The following TXNDC11 variants were observed in gnomAD, a reference collection of about 807,000 sequenced individuals.
TXNDC11 encodes the protein thioredoxin domain containing 11.
A neutral mutation model predicts 78.0 loss-of-function variants in TXNDC11; 68 were observed. That is an observed-to-expected ratio of 0.87 (90% CI 0.72 to 1.07). The LOEUF (loss-of-function observed/expected upper bound fraction) is 1.07, where lower values mean the gene tolerates loss of function less well. Ranked by LOEUF, TXNDC11 falls within the 50% of genes least tolerant of loss-of-function variation. The pLI, the probability that TXNDC11 is intolerant of heterozygous loss-of-function variation, is 0.00. For missense variants in TXNDC11, 1,389 were observed against 1,221.8 expected, an observed-to-expected ratio of 1.14 and a Z score of -2.04; for synonymous variants, 571 against 495.2, an observed-to-expected ratio of 1.15 and a Z score of -2.03.
At chr16:11,735,933 T>C (rs1490291996) in intron 2 of TXNDC11, 84 bp downstream of exon 2, 1 of 1,363,114 alleles carries the variant, frequency 7.3e-7, no homozygotes, top group African/African-American at 1.4e-5. Flanking sequence ...GTCTGCCCGT[T>C]GGGCAAGGTG....
At chr16:11,714,257 C>T (rs543530653) in intron 5 of TXNDC11, among the ~76,000 whole-genome samples, 73 of 152,252 alleles carry the variant, frequency 4.8e-4, no homozygotes, top group African/African-American at 1.7e-3. Flanking sequence ...CTCCTGAGCT[C>T]AAGAGATCCA....
In TXNDC11 at chr16:11,734,039, T is replaced by G. The variant is rs1017040573; in HGVS notation, c.512A>C (p.Lys171Thr). 18 of 1,603,760 alleles carry G rather than the reference T, an allele frequency of 1.1e-5. No homozygotes were observed. The Middle Eastern group carries it at 1.6e-3, about 147-fold the overall frequency. ...VAINCWWNQG[K>T]CRKQKHFFYF... ...AAAGAAGTGTTTCTGTTTTCTGCATTTCCCCTGGTTCCACCAACAGTTAAT... is the reference window on the plus strand; with the variant it reads ...AAAGAAGTGTTTCTGTTTTCTGCATGTCCCCTGGTTCCACCAACAGTTAAT... The change falls in exon 3 of 12, where the codon AAA becomes ACA. Residue 171 changes from lysine to threonine, a missense_variant. Lys to Thr is a moderately conservative substitution (Grantham distance 78). Coordinates refer to ENST00000283033, the MANE Select transcript of TXNDC11 (RefSeq NM_015914.7).
rs779006508 is a variant in TXNDC11, at chr16:11,692,004, C to T, written c.1186G>A (p.Val396Met). The T allele has an allele frequency of 2.5e-5, 40 of 1,574,868 alleles. 1 individual carries two copies. In the African/African-American group the frequency reaches 3.2e-4, roughly 13 times the overall value. The change falls in exon 8 of 12, where the codon GTG becomes ATG. Residue 396 changes from valine (V) to methionine (M), a missense_variant. Transcript: ENST00000283033. ...AGGGACTCCAGCACTGGAGCATCCA[C>T]CCGCCGCAGGTGCTGAAGGAGACGC... ...VERLLQHLRR[V>M]DAPVLESLAL...
chr16:11,681,669 T>A (rs1490164959), intron 11 of TXNDC11, among the ~76,000 whole-genome samples: 1 of 151,754 alleles, frequency 6.6e-6, no homozygotes, highest in African/African-American at 2.4e-5. Context: ...AGCACCCATC[T>A]CCCCCTCATC....
At chr16:11,718,730 T>G (rs957091576) in intron 5 of TXNDC11, among the ~76,000 whole-genome samples, 1 of 152,268 alleles carries the variant, frequency 6.6e-6, no homozygotes, top group East Asian at 1.9e-4. Flanking sequence ...ATTAATTAAT[T>G]AATTAATCTC....
In TXNDC11 at chr16:11,679,922, T is replaced by C. The variant is rs557970211; in HGVS notation, c.2235-85A>G. The C allele has an allele frequency of 3.1e-5, 37 of 1,181,974 alleles. No individual in the cohort carries two copies. In the Admixed American group the frequency reaches 3.5e-4, roughly 11 times the overall value. The allele number at this position is 1,181,974 out of a possible 1,614,324, so 73.2% of individuals were successfully genotyped here. On this transcript the variant is annotated intron_variant, in intron 11 of 11. Transcript: ENST00000283033. The surrounding 1 kb of genome is among the most constrained non-coding windows in gnomAD (Gnocchi z 4.6). The stretch of plus-strand genomic sequence containing the variant: ...GCAGGCTGTACCTGAGGCCAGGCCA[T>C]CTACTTCTCACCAAGAAAAGACGTT...
intron 5 of TXNDC11, 144 bp from the exon 6 acceptor site, chr16:11,700,708 T>A: frequency 1.7e-6 from 1 of 577,456 alleles, no homozygotes; most frequent in Non-Finnish European, 3.1e-6. Flanking sequence ...GAAGAGGCGC[T>A]GAGGAACCTC....
At chr16:11,710,238 T>C (rs1485339468) in intron 5 of TXNDC11, among the ~76,000 whole-genome samples, 1 of 151,774 alleles carries the variant, frequency 6.6e-6, no homozygotes, top group Non-Finnish European at 1.5e-5. Flanking sequence ...AAGGAAGGAC[T>C]CTGCAAACTA....
At chr16:11,730,297 T>C (rs2052008868) in intron 4 of TXNDC11, among the ~76,000 whole-genome samples, 1 of 152,176 alleles carries the variant, frequency 6.6e-6, no homozygotes, top group Non-Finnish European at 1.5e-5. Context: ...CATAGTACAA[T>C]GCTATGAGAA....
At chr16:11,690,743 G>A (rs1207083757) in intron 8 of TXNDC11, 1 of 150,870 alleles carries the variant, frequency 6.6e-6, no homozygotes, top group Admixed American at 6.6e-5. Context: ...TGTATTTTTA[G>A]TAGAGACGGG....
chr16:11,713,824 T>G (rs1389803583), intron 5 of TXNDC11, among the ~76,000 whole-genome samples: 1 of 151,978 alleles, frequency 6.6e-6, no homozygotes, highest in Admixed American at 6.6e-5. Flanking sequence ...TGAGTGAGTA[T>G]AGTGACAACA....
At position 11,688,429 on chromosome 16, in the gene TXNDC11, G is replaced by A; in HGVS notation, c.1917C>T (p.Asn639=). Residue 639 remains asparagine, a synonymous_variant, in exon 9 of 12, where the codon AAC becomes AAT. Transcript: ENST00000283033. ...MKLTLESFIQ[N]FSVLYSPLKR... ...TCAAGGGACTATAGAGAACGCTGAAGTTTTGAATAAAAGACTCTAAAAATA... is the reference window on the plus strand; with the variant it reads ...TCAAGGGACTATAGAGAACGCTGAAATTTTGAATAAAAGACTCTAAAAATA... The A allele has an allele frequency of 3.1e-6, 5 of 1,609,996 alleles. No individual in the cohort carries two copies. The highest frequency in any genetic ancestry group is 4.2e-6 in the Non-Finnish European group (5 of 1,178,042).
chr16:11,691,761 G>C lies in TXNDC11; in HGVS notation c.1429C>G (p.Leu477Val). ...EMAAALDSFY[L>V]KEQTFYHVAS... ...ACATGATAAAAGGTCTGCTCCTTGA[G>C]GTAGAAAGAATCCAGAGCTGCTGCC... Residue 477 changes from leucine (L) to valine (V), a missense_variant, in exon 8 of 12, where the codon CTC becomes GTC. By Grantham distance (32) the Leu-to-Val change is conservative. Transcript: ENST00000283033. 1 of 1,614,242 alleles carries C rather than the reference G, an allele frequency of 6.2e-7. No homozygotes were observed. The highest frequency in any genetic ancestry group is 8.5e-7 in the Non-Finnish European group (1 of 1,180,048).
intron 10 of TXNDC11, among the ~76,000 whole-genome samples, chr16:11,687,071 C>A (rs551056595): frequency 1.1e-4 from 17 of 152,178 alleles, no homozygotes; most frequent in Non-Finnish European, 2.1e-4. Flanking sequence ...CACAGAGACA[C>A]TGGAAAATAT....
intron 1 of TXNDC11, among the ~76,000 whole-genome samples, chr16:11,737,723 G>A (rs965124141): frequency 2.0e-5 from 3 of 151,614 alleles, no homozygotes; most frequent in Non-Finnish European, 2.9e-5. Context: ...AAAATTAGCC[G>A]GGCGTGGTGG....
Position 11,679,135 on chromosome 16 carries a change from G to C in TXNDC11, c.*60C>G, listed in dbSNP as rs2050337822. On this transcript the variant is annotated 3_prime_UTR_variant, in exon 12 of 12. Coordinates refer to ENST00000283033, the MANE Select transcript of TXNDC11 (RefSeq NM_015914.7). The surrounding 1 kb of genome is among the most constrained non-coding windows in gnomAD (Gnocchi z 4.6). ...TTTACAATAAATTTCAATAAAATTT[G>C]CATAAATATATTCCCAATGTACAAT... is the stretch of plus-strand genomic sequence containing the variant. 1 of 1,511,248 alleles carries C rather than the reference G, an allele frequency of 6.6e-7. No homozygotes were observed. The allele number at this position is 1,511,248 out of a possible 1,614,324, so 93.6% of individuals were successfully genotyped here.
chr16:11,729,268 A>G (rs980830494), intron 4 of TXNDC11, among the ~76,000 whole-genome samples: 2 of 152,114 alleles, frequency 1.3e-5, no homozygotes, highest in Admixed American at 6.6e-5. Context: ...AGGCCCCAGT[A>G]CCCTGCCTCT....
chr16:11,723,950 A>G (rs950626162), intron 4 of TXNDC11, among the ~76,000 whole-genome samples: 1 of 152,212 alleles, frequency 6.6e-6, no homozygotes, highest in East Asian at 1.9e-4. Flanking sequence ...AAATAATAAT[A>G]CTGTTAGCAT....
intron 5 of TXNDC11, among the ~76,000 whole-genome samples, chr16:11,708,327 A>G (rs1395208158): frequency 3.9e-5 from 6 of 152,198 alleles, no homozygotes. Flanking sequence ...AGCAAAGAAT[A>G]ATTATCTTTA....
Sources: gnomAD v4.1 joint callset for allele counts (sites outside exome capture counted in the v4.1 genomes callset) on GRCh38, gnomAD v4.1.1 for gene constraint, Gnocchi (gnomAD v3.1) non-coding constraint, MANE v1.5 for transcripts, NCBI Gene and HGNC (gene_info 2026-07-23, HGNC 2026-07-21) for gene names.